Variants in SAMD5 observed in about 807,000 individuals in gnomAD.
SAMD5 encodes sterile alpha motif domain containing 5, also known as sterile alpha motif domain-containing protein 5.
In SAMD5, 13 loss-of-function variants were observed where a neutral mutation model predicts 11.3. That is an observed-to-expected ratio of 1.15 (90% CI 0.75 to 1.83). The LOEUF (loss-of-function observed/expected upper bound fraction) is 1.83. Among genes scored for constraint, SAMD5 ranks in the 40% most tolerant of loss-of-function variants. SAMD5 has a pLI of 0.00. For missense variants in SAMD5, 255 were observed against 239.1 expected (o/e 1.07, Z -0.44); for synonymous variants, 129 against 111.3 (o/e 1.16, Z -1.00).
the SAMD5 span, among the ~76,000 whole-genome samples, chr6:147,832,987 T>C: frequency 7.2e-5 from 11 of 152,374 alleles, no homozygotes; most frequent in East Asian, 2.1e-3. Flanking sequence ...ATAGTGGTTT[T>C]AAATAGCAGA....
chr6:147,781,004 G>A, the SAMD5 span, among the ~76,000 whole-genome samples: 1 of 152,054 alleles, frequency 6.6e-6, no homozygotes, highest in Non-Finnish European at 1.5e-5. Flanking sequence ...GAGTGTTGCT[G>A]GGCAGCAAAG....
the SAMD5 span, among the ~76,000 whole-genome samples, chr6:147,762,764 C>G: frequency 6.6e-6 from 1 of 152,120 alleles, no homozygotes; most frequent in Non-Finnish European, 1.5e-5. Context: ...AGTACTTTCA[C>G]TCTACTCCCA....
the SAMD5 span, among the ~76,000 whole-genome samples, chr6:147,746,804 C>T: frequency 1.3e-5 from 2 of 152,180 alleles, no homozygotes; most frequent in Admixed American, 6.5e-5. Flanking sequence ...TTTTACTAAA[C>T]ATCTCGAACG....
chr6:147,617,536 A>G lies in SAMD5; in HGVS notation c.162+108149A>G, dbSNP rs552022450. On this transcript the variant is annotated intron_variant, in intron 1 of 1. Coordinates refer to the SAMD5 transcript ENST00000566741. The stretch of plus-strand genomic sequence containing the variant: ...TAGCTTTATGAAATGGAATTGCTCC[A>G]CAGTGCTTTAAATGGAAATTGCTGC... Among the ~76,000 whole-genome samples the G allele has an allele frequency of 1.2e-3, 183 of 152,356 alleles. 1 individual carries two copies. Among genetic ancestry groups the G allele is most frequent in the African/African-American group, 4.2e-3 (175 of 41,586 alleles).
chr6:147,690,489 A>T (rs1336862178), intron 1 of SAMD5, among the ~76,000 whole-genome samples: 2 of 152,110 alleles, frequency 1.3e-5, no homozygotes, highest in Non-Finnish European at 2.9e-5. Context: ...TGTCTACTAA[A>T]AATGCAAAAA....
chr6:147,511,779 A>C (rs1788094767), intron 1 of SAMD5, among the ~76,000 whole-genome samples: 1 of 152,144 alleles, frequency 6.6e-6, no homozygotes, highest in South Asian at 2.1e-4. Context: ...ATCATTCTGG[A>C]TTTGTTGCTT....
At chr6:147,766,010 AT>A in the SAMD5 span, among the ~76,000 whole-genome samples, 1 of 152,010 alleles carries the variant, frequency 6.6e-6, no homozygotes, top group African/African-American at 2.4e-5. Context: ...ATATACAAAT[AT>A]TTGAGGAATA....
At chr6:147,873,088 G>A in the SAMD5 span, among the ~76,000 whole-genome samples, 1 of 152,116 alleles carries the variant, frequency 6.6e-6, no homozygotes, top group Non-Finnish European at 1.5e-5. Context: ...TATTAAAAGT[G>A]TAATTTAAGG....
chr6:147,575,824 C>T (rs1789209505), intron 1 of SAMD5, among the ~76,000 whole-genome samples: 2 of 152,164 alleles, frequency 1.3e-5, no homozygotes, highest in South Asian at 4.1e-4. Flanking sequence ...TGCCATTATT[C>T]TGTATTTCAT....
chr6:147,550,890 C>T (rs1169818067), intron 1 of SAMD5, among the ~76,000 whole-genome samples: 8 of 110,076 alleles, frequency 7.3e-5, no homozygotes, highest in Admixed American at 3.4e-4. Flanking sequence ...TGCACTTATA[C>T]CTCTTATATT....
chr6:147,879,189 T>C, the SAMD5 span, among the ~76,000 whole-genome samples: 1 of 152,228 alleles, frequency 6.6e-6, no homozygotes, highest in African/African-American at 2.4e-5. Flanking sequence ...TATGCATTGC[T>C]CTGCCCTCCA....
At chr6:147,899,365 A>G in the SAMD5 span, among the ~76,000 whole-genome samples, 1 of 152,098 alleles carries the variant, frequency 6.6e-6, no homozygotes, top group African/African-American at 2.4e-5. Context: ...ATAATTGTCA[A>G]GGTCTCAAAC....
chr6:147,552,443 G>A (rs1460749949), intron 1 of SAMD5, among the ~76,000 whole-genome samples: 1 of 152,118 alleles, frequency 6.6e-6, no homozygotes, highest in East Asian at 1.9e-4. Flanking sequence ...CACTTCAGAA[G>A]ATACCATTCC....
At chr6:147,633,756 T>C (rs1346532845) in intron 1 of SAMD5, among the ~76,000 whole-genome samples, 1 of 151,910 alleles carries the variant, frequency 6.6e-6, no homozygotes, top group East Asian at 1.9e-4. Context: ...CCTCTTCTTT[T>C]CCTTCATCTT....
chr6:147,755,415 A>C, the SAMD5 span, among the ~76,000 whole-genome samples: 1 of 152,122 alleles, frequency 6.6e-6, no homozygotes, highest in Admixed American at 6.5e-5. Flanking sequence ...CTTCAGCATA[A>C]AAGCTGAAGT....
At chr6:147,946,890 A>G in the SAMD5 span, among the ~76,000 whole-genome samples, 17,810 of 152,236 alleles carry the variant, frequency 0.12, 1,220 homozygotes, top group African/African-American at 0.18. Context: ...ATCACAGTTA[A>G]CCTGAAATCA....
At chr6:147,626,225 C>T (rs566697882) in intron 1 of SAMD5, among the ~76,000 whole-genome samples, 1 of 152,234 alleles carries the variant, frequency 6.6e-6, no homozygotes, top group South Asian at 2.1e-4. Context: ...CCAGTGCCAG[C>T]AACCCCCATC....
At chr6:147,710,743 T>C (rs1791386731) in intron 1 of SAMD5, among the ~76,000 whole-genome samples, 1 of 152,188 alleles carries the variant, frequency 6.6e-6, no homozygotes, top group Non-Finnish European at 1.5e-5. Context: ...ATGTTTTATA[T>C]AGGAAAAGAC....
intron 1 of SAMD5, among the ~76,000 whole-genome samples, chr6:147,606,644 A>G (rs1318133350): frequency 6.6e-6 from 1 of 151,958 alleles, no homozygotes; most frequent in Non-Finnish European, 1.5e-5. Context: ...AACAACTGTA[A>G]TAGTACATAC....
Sources: gnomAD v4.1 joint callset for allele counts (sites outside exome capture counted in the v4.1 genomes callset) on GRCh38, gnomAD v4.1.1 for gene constraint, MANE v1.5 for transcripts, NCBI Gene and HGNC (gene_info 2026-07-23, HGNC 2026-07-21) for gene names.